Variants in PTPRG observed in about 807,000 individuals in gnomAD.
PTPRG encodes the protein receptor-type tyrosine-protein phosphatase gamma.
In PTPRG, 102 loss-of-function variants were observed where a neutral mutation model predicts 165.3. The ratio of observed to expected loss-of-function variants is 0.62; its 90% CI spans 0.53 to 0.73. PTPRG has a LOEUF of 0.73. Ranked by LOEUF, PTPRG falls within the 30% of genes least tolerant of loss-of-function variation. PTPRG has a pLI of 0.00. For missense variants in PTPRG, 1,866 were observed against 1,861.4 expected (o/e 1.00, Z -0.05); for synonymous variants, 675 against 669.5 (o/e 1.01, Z -0.13).
At chr3:62,189,058 A>C (rs1461211112) in intron 8 of PTPRG, among the ~76,000 whole-genome samples, 1 of 151,794 alleles carries the variant, frequency 6.6e-6, no homozygotes, top group South Asian at 2.1e-4. Context: ...CTCCGCCCTC[A>C]TGTCTCCGTG....
intron 1 of PTPRG, among the ~76,000 whole-genome samples, chr3:61,656,730 T>C (rs1028469256): frequency 2.0e-5 from 3 of 152,254 alleles, no homozygotes; most frequent in Non-Finnish European, 4.4e-5. Flanking sequence ...TTCTTGTAGA[T>C]TGAAGATATT....
intron 2 of PTPRG, among the ~76,000 whole-genome samples, chr3:61,928,412 T>A (rs1261563862): frequency 6.6e-6 from 1 of 152,218 alleles, no homozygotes; most frequent in South Asian, 2.1e-4. Flanking sequence ...TTATTTTGCC[T>A]GAGTCCATTT....
intron 2 of PTPRG, among the ~76,000 whole-genome samples, chr3:61,952,246 T>C (rs2039918577): frequency 6.6e-6 from 1 of 152,120 alleles, no homozygotes; most frequent in African/African-American, 2.4e-5. Flanking sequence ...AGGACCACTT[T>C]AGTGCCTGTG....
At chr3:61,889,081 G>C (rs2038134150) in intron 2 of PTPRG, among the ~76,000 whole-genome samples, 1 of 152,144 alleles carries the variant, frequency 6.6e-6, no homozygotes, top group Admixed American at 6.5e-5. Flanking sequence ...AAAGTGACTT[G>C]TAAGATGATA....
At chr3:62,124,235 A>G in intron 5 of PTPRG, 1 of 1,198,622 alleles carries the variant, frequency 8.3e-7, no homozygotes, top group Non-Finnish European at 1.2e-6. Flanking sequence ...GTCATTTGAC[A>G]TTAACTCCGA....
intron 1 of PTPRG, among the ~76,000 whole-genome samples, chr3:61,700,831 T>C (rs2030912073): frequency 2.6e-5 from 4 of 152,232 alleles, no homozygotes; most frequent in Admixed American, 2.6e-4. Flanking sequence ...TCCCATTTAT[T>C]ACATCTGTTA....
At chr3:61,610,453 A>G (rs1006179086) in intron 1 of PTPRG, among the ~76,000 whole-genome samples, 1 of 152,168 alleles carries the variant, frequency 6.6e-6, no homozygotes, top group Non-Finnish European at 1.5e-5. Context: ...CCAGGCAGGT[A>G]AGCTTAGGAA....
At chr3:62,242,533 T>C (rs1182875253) in intron 14 of PTPRG, among the ~76,000 whole-genome samples, 1 of 152,236 alleles carries the variant, frequency 6.6e-6, no homozygotes, top group Non-Finnish European at 1.5e-5. Context: ...CTTCATACTA[T>C]GACATGTGAT....
chr3:62,257,667 G>A (rs371379744), intron 16 of PTPRG, among the ~76,000 whole-genome samples: 4 of 152,116 alleles, frequency 2.6e-5, no homozygotes, highest in African/African-American at 9.7e-5. Context: ...TTAAAGTAGT[G>A]TCCTGGGCCA....
chr3:62,091,877 A>G (rs894063516), intron 5 of PTPRG, among the ~76,000 whole-genome samples: 3 of 151,904 alleles, frequency 2.0e-5, no homozygotes, highest in African/African-American at 7.3e-5. Flanking sequence ...GTCTAAAGGG[A>G]CGAGATACCC....
chr3:61,674,188 A>T (rs866213341), intron 1 of PTPRG, among the ~76,000 whole-genome samples: 2 of 151,888 alleles, frequency 1.3e-5, no homozygotes, highest in Non-Finnish European at 2.9e-5. Flanking sequence ...AATAATAAAA[A>T]AAAAAAAGAA....
intron 5 of PTPRG, among the ~76,000 whole-genome samples, chr3:62,119,787 A>ATTTTTTTTTTTTT (rs34842750): frequency 1.3e-4 from 15 of 111,710 alleles, no homozygotes; most frequent in South Asian, 3.2e-4. Flanking sequence ...CGCCTGGCTA[A>ATTTTTTTTTTTTT]TTTTTTTTTT....
intron 2 of PTPRG, among the ~76,000 whole-genome samples, chr3:61,922,163 T>C (rs530090914): frequency 1.3e-5 from 2 of 152,382 alleles, no homozygotes; most frequent in African/African-American, 4.8e-5. Context: ...CCCAGCAGTA[T>C]GCTATTTCTC....
At chr3:61,932,410 G>C (rs1041933876) in intron 2 of PTPRG, among the ~76,000 whole-genome samples, 1 of 152,174 alleles carries the variant, frequency 6.6e-6, no homozygotes, top group African/African-American at 2.4e-5. Context: ...TCTTAGCCAG[G>C]GGGAACATGT....
intron 2 of PTPRG, among the ~76,000 whole-genome samples, chr3:61,837,575 A>T (rs2036507712): frequency 6.6e-6 from 1 of 152,312 alleles, no homozygotes; most frequent in South Asian, 2.1e-4. Context: ...GATCAGCAGC[A>T]TTGATTGAAC....
At chr3:62,269,005 T>G (rs761176920) in intron 19 of PTPRG, 30 bp from the exon 20 acceptor site, 1 of 1,534,912 alleles carries the variant, frequency 6.5e-7, no homozygotes, top group South Asian at 1.3e-5. Context: ...TAGATTGCAG[T>G]TATACTTTAC....
rs549353193 is a variant in PTPRG at position 61,618,205 on chromosome 3, C to A, written c.85+55833C>A. Among the ~76,000 whole-genome samples the A allele has an allele frequency of 4.9e-4, 75 of 152,280 alleles. 5 individuals are homozygous for A. The South Asian group carries it at 0.016, about 32-fold the overall frequency. The stretch of plus-strand genomic sequence containing the variant: ...TGAAAGATGGCAGGCTTAAAAAAAT[C>A]CATTTGTATTTCTGGCAAATTGTCT... On this transcript the variant is annotated intron_variant, in intron 1 of 29. Coordinates refer to ENST00000474889, the MANE Select transcript of PTPRG (RefSeq NM_002841.4).
chr3:61,817,063 T>C (rs1283354344), intron 2 of PTPRG, among the ~76,000 whole-genome samples: 1 of 133,342 alleles, frequency 7.5e-6, no homozygotes, highest in African/African-American at 2.8e-5. Context: ...ATATAATATA[T>C]AATACATATA....
At position 62,271,602 on chromosome 3, in the gene PTPRG, A is replaced by G; in HGVS notation, c.3182+47A>G. On this transcript the variant is annotated intron_variant, in intron 21 of 29. Coordinates refer to ENST00000474889, the MANE Select transcript of PTPRG (RefSeq NM_002841.4). This position sits in a 1 kb window ranked among gnomAD's most constrained non-coding sequence, Gnocchi z 4.1. ...GTGAAATAGATGGGGCAGGGGACTT[A>G]GGCCTCAGTGACCTTGGACCACAAT... The G allele has an allele frequency of 6.5e-7, 1 of 1,546,758 alleles. No individual in the cohort carries two copies. The highest frequency in any genetic ancestry group is 1.2e-5 in the South Asian group (1 of 82,006).
Sources: gnomAD v4.1 joint callset for allele counts (sites outside exome capture counted in the v4.1 genomes callset) on GRCh38, gnomAD v4.1.1 for gene constraint, Gnocchi (gnomAD v3.1) non-coding constraint, MANE v1.5 for transcripts, NCBI Gene and HGNC (gene_info 2026-07-23, HGNC 2026-07-21) for gene names.